The following TIPARP variants were observed in gnomAD, a reference collection of about 807,000 sequenced individuals.
TIPARP encodes protein mono-ADP-ribosyltransferase TIPARP.
TIPARP carries 12 observed loss-of-function variants against 56.5 expected under a neutral mutation model. The ratio of observed to expected loss-of-function variants is 0.21; its 90% CI spans 0.14 to 0.34. TIPARP has a LOEUF of 0.34. TIPARP is among the 10% of genes least tolerant of loss of function. TIPARP has a pLI of 1.00. For synonymous variants in TIPARP, 296 were observed against 265.7 expected (o/e 1.11, Z -1.11); for missense variants, 604 against 781.6 (o/e 0.77, Z 2.71).
chr3:156,695,842 T>TTTTGTTTTTTTTTC, intron 3 of TIPARP, 23 bp from the exon 4 acceptor site: 2 of 1,396,938 alleles, frequency 1.4e-6, no homozygotes, highest in South Asian at 1.8e-5. Flanking sequence ...TTTTTTTTTT[T>TTTTGTTTTTTTTTC]TGTTCTGTTT....
At chr3:156,699,463 C>T (rs1443738440) in intron 4 of TIPARP, among the ~76,000 whole-genome samples, 2 of 152,200 alleles carry the variant, frequency 1.3e-5, no homozygotes, top group African/African-American at 4.8e-5. Flanking sequence ...ATTACTATGA[C>T]TCACCAAAGG....
In TIPARP at chr3:156,704,664, C is replaced by G; in HGVS notation, c.1527-20C>G. ...CCTGTATTTCATCCTTCTGAATTCTCTGTCTGTTCTTTCCATTAGGAAAAA... is the reference window on the plus strand; with the variant it reads ...CCTGTATTTCATCCTTCTGAATTCTGTGTCTGTTCTTTCCATTAGGAAAAA... On this transcript the variant is annotated intron_variant, in intron 5 of 5. Transcript: ENST00000295924. 6.3e-7 allele frequency: 1 copy of G among 1,596,328 alleles called. No homozygotes were observed. Among genetic ancestry groups the G allele is most frequent in the Non-Finnish European group, 8.5e-7 (1 of 1,170,814 alleles).
At position 156,695,629 on chromosome 3, in the gene TIPARP, G is replaced by C. The variant is rs561768323; in HGVS notation, c.1087-236G>C. Among the ~76,000 whole-genome samples the C allele has an allele frequency of 1.3e-4, 19 of 151,896 alleles. 1 individual carries two copies. The South Asian group carries it at 2.5e-3, about 20-fold the overall frequency. ...CAAAATAGAATAAAATAGTTCCCTG[G>C]GCCCCACATGTTTTGTAAGGTGGAA... On this transcript the variant is annotated intron_variant, in intron 3 of 5. Transcript: ENST00000295924.
At chr3:156,682,794 A>C (rs969375331) in intron 2 of TIPARP, among the ~76,000 whole-genome samples, 2 of 152,238 alleles carry the variant, frequency 1.3e-5, no homozygotes, top group African/African-American at 4.8e-5. Flanking sequence ...GGATGAGTTT[A>C]AATTTATTTT....
intron 2 of TIPARP, among the ~76,000 whole-genome samples, chr3:156,685,868 AT>A (rs1722416006): frequency 6.6e-6 from 1 of 152,208 alleles, no homozygotes; most frequent in Admixed American, 6.5e-5. Flanking sequence ...AGAATCTTGC[AT>A]GCACCCTGTG....
intron 2 of TIPARP, among the ~76,000 whole-genome samples, chr3:156,681,391 G>A (rs3851992): frequency 0.37 from 55,503 of 152,006 alleles, 11,604 homozygotes; most frequent in East Asian, 0.71. Context: ...AGTTTATATG[G>A]CTTGGTAAAT....
intron 2 of TIPARP, among the ~76,000 whole-genome samples, chr3:156,684,681 C>G (rs1722388704): frequency 6.6e-6 from 1 of 152,208 alleles, no homozygotes; most frequent in African/African-American, 2.4e-5. Context: ...ATCCACCTGC[C>G]TCGGCCTCAC....
Position 156,678,233 on chromosome 3 carries a change from A to G in TIPARP, c.536A>G (p.Asp179Gly), listed in dbSNP as rs767287641. 3 of 1,614,030 alleles carry G rather than the reference A, an allele frequency of 1.9e-6. No homozygotes were observed. Among genetic ancestry groups the G allele is most frequent in the East Asian group, 2.2e-5 (1 of 44,902 alleles). ...GTTCCTACTAGTCCTGACTGCTTAG[A>G]CAAAGTCATAGATTATGTTCCAGGC... The part of the protein sequence containing the change: ...SDVPTSPDCL[D>G]KVIDYVPGIF... The change falls in exon 2 of 6, where the codon GAC becomes GGC. Residue 179 changes from aspartate to glycine, a missense_variant. Physicochemically the swap from Asp to Gly is moderately conservative, Grantham distance 94 (BLOSUM62 -1). This residue lies in a region of TIPARP where 261 missense variants were observed against 279.2 expected (regional missense o/e 0.93). Transcript: ENST00000295924.
intron 2 of TIPARP, among the ~76,000 whole-genome samples, chr3:156,691,587 TAAA>T (rs1438090999): frequency 1.3e-5 from 2 of 152,126 alleles, no homozygotes; most frequent in Non-Finnish European, 2.9e-5. Context: ...AATAGTTTGA[TAAA>T]GAAGAATGTG....
At chr3:156,685,064 A>G (rs1444957724) in intron 2 of TIPARP, among the ~76,000 whole-genome samples, 2 of 152,252 alleles carry the variant, frequency 1.3e-5, no homozygotes, top group Non-Finnish European at 2.9e-5. Flanking sequence ...TGAAGAGGAC[A>G]GTATTGCAGA....
At chr3:156,687,599 G>A (rs13323819) in intron 2 of TIPARP, among the ~76,000 whole-genome samples, 5,838 of 152,208 alleles carry the variant, frequency 0.038, 383 homozygotes, top group African/African-American at 0.13. Flanking sequence ...GTATTCAAAT[G>A]GCTATGTCTT....
intron 2 of TIPARP, 60 bp downstream of exon 2, chr3:156,678,674 C>T: frequency 6.8e-7 from 1 of 1,474,914 alleles, no homozygotes; most frequent in Non-Finnish European, 9.1e-7. Context: ...GGTAAAGAAG[C>T]TAAAAGCTTA....
In TIPARP at chr3:156,678,491, C is replaced by T; in HGVS notation, c.794C>T (p.Pro265Leu). Residue 265 changes from proline to leucine, a missense_variant, in exon 2 of 6, where the codon CCA (proline) becomes CTA (leucine). Around this residue, in one of 4 missense-constraint regions of TIPARP, gnomAD observed 14 missense variants for 37.6 expected, o/e 0.37. Transcript: ENST00000295924. ...RDCLKHHTVL[P>L]YHWQIKRTTT... ...TGTTTGAAGCACCACACTGTCTTGC[C>T]ATATCATTGGCAGATCAAAAGGACA... is the stretch of plus-strand genomic sequence containing the variant. The T allele has an allele frequency of 6.2e-7, 1 of 1,614,142 alleles. No homozygotes were observed.
At chr3:156,694,359 T>G (rs1156397657) in intron 3 of TIPARP, among the ~76,000 whole-genome samples, 171 bp downstream of exon 3, 1 of 152,262 alleles carries the variant, frequency 6.6e-6, no homozygotes, top group Non-Finnish European at 1.5e-5. Flanking sequence ...TCTCTTTTTC[T>G]TAAAATTTAT....
At position 156,705,880 on chromosome 3, in the gene TIPARP, T is replaced by A; in HGVS notation, c.*749T>A. 1 of 152,658 alleles carries A rather than the reference T, an allele frequency of 6.6e-6. No individual in the cohort carries two copies. The highest frequency in any genetic ancestry group is 1.9e-4 in the East Asian group (1 of 5,198). The allele number at this position is 152,658 out of a possible 1,614,324, so 9.5% of individuals were successfully genotyped here. On this transcript the variant is annotated 3_prime_UTR_variant, in exon 6 of 6. Coordinates refer to ENST00000295924, the MANE Select transcript of TIPARP (RefSeq NM_015508.5). ...GCTTTGGAAAACTCAGTCTCTTTCA[T>A]TATCATCCATTCCAATTTGAAGGAG...
rs1379217761 is a variant in TIPARP at position 156,682,540 on chromosome 3, GA to G, written c.917+3927del. On this transcript the variant is annotated intron_variant, in intron 2 of 5. Transcript: ENST00000295924. ...ATATAAAAGAGAAATGTATATTAATGATCATAAAAAGCATATACTGTTACAG... is the reference window on the plus strand; with the variant it reads ...ATATAAAAGAGAAATGTATATTAATGTCATAAAAAGCATATACTGTTACAG... Among the ~76,000 whole-genome samples the G allele has an allele frequency of 1.1e-4, 16 of 152,294 alleles. No individual in the cohort carries two copies. The South Asian group carries it at 3.3e-3, about 32-fold the overall frequency.
rs1224186688 is a variant in TIPARP at position 156,706,087 on chromosome 3, T to A, written c.*956T>A. 6.5e-6 allele frequency: 1 copy of A among 152,680 alleles called. No individual in the cohort carries two copies. The highest frequency in any genetic ancestry group is 1.9e-4 in the East Asian group (1 of 5,204). 9.5% of individuals were successfully genotyped at this position (152,680 alleles called of 1,614,324 possible). A position where few individuals can be genotyped will look rare whatever the true frequency, so the allele number is the denominator to read the frequency against. On this transcript the variant is annotated 3_prime_UTR_variant, in exon 6 of 6. Transcript: ENST00000295924. ...TAGCAAAAGTATTTGCTGGAATTATTGGTAGATGGCAGTCCCACTCCTACA... is the reference window on the plus strand; with the variant it reads ...TAGCAAAAGTATTTGCTGGAATTATAGGTAGATGGCAGTCCCACTCCTACA...
Position 156,678,578 on chromosome 3 carries a change from G to A in TIPARP, c.881G>A (p.Cys294Tyr). The A allele has an allele frequency of 6.2e-7, 1 of 1,614,004 alleles. No individual in the cohort carries two copies. The highest frequency in any genetic ancestry group is 8.5e-7 in the Non-Finnish European group (1 of 1,179,958). Reference sequence around the variant, plus strand: ...CAGGAGCACTTGGAAAGATTTTACTGTAACCCAGAAAATGATAGAATGAGA... The same window carrying A: ...CAGGAGCACTTGGAAAGATTTTACTATAACCCAGAAAATGATAGAATGAGA... ...DSQEHLERFY[C>Y]NPENDRMRMK... The change falls in exon 2 of 6, where the codon TGT becomes TAT. Residue 294 changes from cysteine (C) to tyrosine (Y), a missense_variant. Cys to Tyr is a radical substitution (Grantham distance 194). Transcript: ENST00000295924.
intron 2 of TIPARP, among the ~76,000 whole-genome samples, chr3:156,684,897 A>G (rs1722394495): frequency 6.6e-6 from 1 of 152,196 alleles, no homozygotes; most frequent in Admixed American, 6.5e-5. Context: ...AATCCCTGAC[A>G]CAGTAACTGA....
Sources: gnomAD v4.1 joint callset for allele counts (sites outside exome capture counted in the v4.1 genomes callset) on GRCh38, gnomAD v4.1.1 for gene constraint, gnomAD v4.1.1 regional missense constraint, MANE v1.5 for transcripts, NCBI Gene and HGNC (gene_info 2026-07-23, HGNC 2026-07-21) for gene names.